The following CNTNAP5 variants were observed in gnomAD, a reference collection of about 807,000 sequenced individuals.
CNTNAP5 encodes the protein contactin associated protein family member 5.
A neutral mutation model predicts 150.2 loss-of-function variants in CNTNAP5; 72 were observed. That is an observed-to-expected ratio of 0.48 (90% confidence interval 0.40 to 0.58). The LOEUF (loss-of-function observed/expected upper bound fraction) is 0.58, where lower values mean the gene tolerates loss of function less well. Among genes scored for constraint, CNTNAP5 ranks in the 20% least tolerant of loss-of-function variants. CNTNAP5 has a pLI of 0.00. For missense variants in CNTNAP5, 1,636 were observed against 1,626.2 expected, an observed-to-expected ratio of 1.01 and a Z score of -0.10; for synonymous variants, 672 against 619.8, an observed-to-expected ratio of 1.08 and a Z score of -1.25.
chr2:124,278,197 A>G (rs72962895), intron 3 of CNTNAP5, among the ~76,000 whole-genome samples: 214 of 152,290 alleles, frequency 1.4e-3, no homozygotes, highest in African/African-American at 4.8e-3. Flanking sequence ...AATGGACCCA[A>G]TGCTATATTT....
At position 124,865,802 on chromosome 2, in the gene CNTNAP5, G is replaced by A. The variant is rs187944312; in HGVS notation, c.3348+366G>A. On this transcript the variant is annotated intron_variant, in intron 20 of 23. Coordinates refer to ENST00000682447, the MANE Select transcript of CNTNAP5 (RefSeq NM_001367498.1). The stretch of plus-strand genomic sequence containing the variant: ...CTACTAAAAATACAAAAATTAGCCA[G>A]GTGTGGTGGCACACACTTGTAGTCC... Among the ~76,000 whole-genome samples, 82 of 151,950 alleles carry A rather than the reference G, an allele frequency of 5.4e-4. 3 individuals carry two copies. The highest frequency in any genetic ancestry group is 5.0e-3 in the Admixed American group (76 of 15,236).
intron 4 of CNTNAP5, among the ~76,000 whole-genome samples, chr2:124,423,223 G>A (rs1692150753): frequency 6.6e-6 from 1 of 152,152 alleles, no homozygotes; most frequent in Admixed American, 6.5e-5. Flanking sequence ...CCAAGTAATT[G>A]TATGAAACAG....
In CNTNAP5 at chr2:124,536,504, G is replaced by A. The variant is rs561016726; in HGVS notation, c.1649+9048G>A. ...CACACTCAAATTTGAGAACCACCAC[G>A]TTGTTCGGTGATCGCCGTTTTCTAC... On this transcript the variant is annotated intron_variant, in intron 10 of 23. Transcript: ENST00000682447. 7.2e-5 allele frequency among the ~76,000 whole-genome samples: 11 copies of A among 152,220 alleles called. No homozygotes were observed. In the South Asian group the frequency reaches 1.2e-3, roughly 17 times the overall value.
intron 11 of CNTNAP5, among the ~76,000 whole-genome samples, chr2:124,574,508 C>G (rs1436947459): frequency 6.6e-6 from 1 of 152,100 alleles, no homozygotes; most frequent in East Asian, 1.9e-4. Flanking sequence ...TATTAATTTA[C>G]ACTGTTACCT....
At chr2:124,390,700 T>A (rs565757802) in intron 3 of CNTNAP5, among the ~76,000 whole-genome samples, 1 of 152,330 alleles carries the variant, frequency 6.6e-6, no homozygotes, top group African/African-American at 2.4e-5. Flanking sequence ...TATTTTTTTC[T>A]ATAATTACAC....
At chr2:124,768,734 C>G (rs538492012) in intron 16 of CNTNAP5, among the ~76,000 whole-genome samples, 2 of 152,002 alleles carry the variant, frequency 1.3e-5, no homozygotes, top group African/African-American at 4.8e-5. Context: ...TGCAGCAACC[C>G]CGACTCTGCT....
At chr2:124,208,547 C>T (rs575544474) in intron 1 of CNTNAP5, among the ~76,000 whole-genome samples, 1 of 152,166 alleles carries the variant, frequency 6.6e-6, no homozygotes, top group South Asian at 2.1e-4. Flanking sequence ...CATGCCCTTC[C>T]CTTCCAGTGA....
At chr2:124,705,957 C>T (rs1229622601) in intron 13 of CNTNAP5, among the ~76,000 whole-genome samples, 1 of 152,124 alleles carries the variant, frequency 6.6e-6, no homozygotes, top group African/African-American at 2.4e-5. Flanking sequence ...TTCTCCTTCA[C>T]TCTAGGCCTC....
chr2:124,750,668 G>A (rs527587103), intron 14 of CNTNAP5, among the ~76,000 whole-genome samples: 2 of 152,108 alleles, frequency 1.3e-5, no homozygotes, highest in South Asian at 4.1e-4. Flanking sequence ...GGGTACAAAA[G>A]TAATGGTGGT....
intron 7 of CNTNAP5, among the ~76,000 whole-genome samples, chr2:124,482,779 TCTCC>T (rs1253682033): frequency 2.0e-4 from 31 of 152,194 alleles, no homozygotes; most frequent in Middle Eastern, 3.4e-3. Flanking sequence ...GCTGGCAGGC[TCTCC>T]CTCTGGGTTG....
intron 3 of CNTNAP5, among the ~76,000 whole-genome samples, chr2:124,354,878 A>T (rs1251939402): frequency 6.6e-6 from 1 of 152,066 alleles, no homozygotes; most frequent in Non-Finnish European, 1.5e-5. Context: ...TTTTGCAAGT[A>T]TATAGCCCGG....
intron 21 of CNTNAP5, among the ~76,000 whole-genome samples, chr2:124,870,901 C>T (rs1387513655): frequency 6.6e-6 from 1 of 152,008 alleles, no homozygotes; most frequent in Non-Finnish European, 1.5e-5. Context: ...ATGATTCTTG[C>T]TACAGCCCTC....
chr2:124,085,528 T>A (rs1386350337), intron 1 of CNTNAP5, among the ~76,000 whole-genome samples: 1 of 152,230 alleles, frequency 6.6e-6, no homozygotes, highest in African/African-American at 2.4e-5. Flanking sequence ...TTAATTTCAT[T>A]GATTTCTGCT....
intron 5 of CNTNAP5, among the ~76,000 whole-genome samples, chr2:124,438,292 T>C (rs1165325200): frequency 1.3e-5 from 2 of 152,250 alleles, no homozygotes; most frequent in Middle Eastern, 6.8e-3. Context: ...TTTTTACACA[T>C]CTCATTCAAA....
intron 21 of CNTNAP5, among the ~76,000 whole-genome samples, chr2:124,883,143 C>T (rs539050030): frequency 1.5e-4 from 23 of 150,152 alleles, no homozygotes; most frequent in Admixed American, 3.3e-4. Flanking sequence ...ATTTTAGTAA[C>T]CTGTGCCTCC....
intron 10 of CNTNAP5, among the ~76,000 whole-genome samples, chr2:124,528,514 T>G (rs1164725873): frequency 6.6e-6 from 1 of 152,218 alleles, no homozygotes; most frequent in East Asian, 1.9e-4. Flanking sequence ...TTTTTGGCAT[T>G]TGAAGGCATT....
chr2:124,617,785 G>A (rs894319038), intron 12 of CNTNAP5, among the ~76,000 whole-genome samples: 12 of 152,040 alleles, frequency 7.9e-5, no homozygotes, highest in Admixed American at 3.9e-4. Context: ...AGCAATTAAC[G>A]TATAAGGACA....
rs566956647 is a variant in CNTNAP5, at chr2:124,515,962, A to G, written c.1328-8341A>G. Among the ~76,000 whole-genome samples the G allele has an allele frequency of 4.0e-4, 61 of 152,266 alleles. No individual in the cohort carries two copies. The Middle Eastern group carries it at 0.014, about 34-fold the overall frequency. On this transcript the variant is annotated intron_variant, in intron 8 of 23. Coordinates refer to ENST00000682447, the MANE Select transcript of CNTNAP5 (RefSeq NM_001367498.1). ...GAGGTCCATGATAACCTTGCTCTTTAGGTAGTTGGATCTAGCAAGGTGTCC... is the reference window on the plus strand; with the variant it reads ...GAGGTCCATGATAACCTTGCTCTTTGGGTAGTTGGATCTAGCAAGGTGTCC...
At chr2:124,707,783 G>T (rs186824623) in intron 13 of CNTNAP5, among the ~76,000 whole-genome samples, 10 of 152,170 alleles carry the variant, frequency 6.6e-5, no homozygotes, top group African/African-American at 9.6e-5. Flanking sequence ...AAAAAGAATT[G>T]GTTGTTAAAG....
Sources: allele counts gnomAD v4.1 joint callset (sites outside exome capture counted in the v4.1 genomes callset), GRCh38; gene constraint gnomAD v4.1.1; transcripts MANE v1.5; gene names NCBI Gene and HGNC (gene_info 2026-07-23, HGNC 2026-07-21).